TSPAN9: variants seen among roughly 807,000 people sequenced by gnomAD.
The protein encoded by TSPAN9 is tetraspanin-9.
Under a neutral mutation model 31.0 loss-of-function variants are expected in TSPAN9, and 16 were observed. That is an observed-to-expected ratio of 0.52 (90% CI 0.35 to 0.78). TSPAN9 has a LOEUF of 0.78. Among genes scored for constraint, TSPAN9 ranks in the 30% least tolerant of loss-of-function variants. The pLI, the probability that TSPAN9 is intolerant of heterozygous loss-of-function variation, is 0.01. For missense variants in TSPAN9, 272 were observed against 312.5 expected, an observed-to-expected ratio of 0.87 and a Z score of 0.98; for synonymous variants, 145 against 121.6, an observed-to-expected ratio of 1.19 and a Z score of -1.27.
intron 3 of TSPAN9, among the ~76,000 whole-genome samples, chr12:3,223,292 G>A (rs1033179438): frequency 2.0e-5 from 3 of 152,118 alleles, no homozygotes; most frequent in Non-Finnish European, 4.4e-5. Context: ...CCCCTTACCC[G>A]GCTAATTTGA....
At chr12:3,105,752 ACACACGCACACACG>A (rs1290269154) in intron 2 of TSPAN9, among the ~76,000 whole-genome samples, 1 of 67,260 alleles carries the variant, frequency 1.5e-5, no homozygotes, top group African/African-American at 3.2e-5. Context: ...ACACACTCAC[ACACACGCACACACG>A]CGCACGCACA....
intron 2 of TSPAN9, among the ~76,000 whole-genome samples, chr12:3,196,678 C>G (rs2098367235): frequency 6.6e-6 from 1 of 152,178 alleles, no homozygotes; most frequent in South Asian, 2.1e-4. Context: ...TGCTCAGGGA[C>G]TGACAGGTGT....
At chr12:3,257,175 G>A (rs1862362768) in intron 3 of TSPAN9, among the ~76,000 whole-genome samples, 1 of 152,026 alleles carries the variant, frequency 6.6e-6, no homozygotes, top group Non-Finnish European at 1.5e-5. Flanking sequence ...TTGTACCTGA[G>A]TCTGCTGGTG....
intron 2 of TSPAN9, among the ~76,000 whole-genome samples, chr12:3,112,495 C>T (rs1348911100): frequency 1.3e-5 from 2 of 151,664 alleles, no homozygotes; most frequent in Non-Finnish European, 2.9e-5. Flanking sequence ...CCATTTTTAT[C>T]TCTGATTTTA....
intron 2 of TSPAN9, among the ~76,000 whole-genome samples, chr12:3,175,180 C>T (rs2098354837): frequency 6.6e-6 from 1 of 152,206 alleles, no homozygotes; most frequent in South Asian, 2.1e-4. Flanking sequence ...GGCAGCATCT[C>T]ACCTGGGGTG....
chr12:3,109,299 T>TGTGTGAGAGAGAGAGAGA (rs1274383200), intron 2 of TSPAN9, among the ~76,000 whole-genome samples: 1 of 118,304 alleles, frequency 8.5e-6, no homozygotes, highest in East Asian at 2.4e-4. Flanking sequence ...TGTGTGTGTG[T>TGTGTGAGAGAGAGAGAGA]GAGAGAGAGT....
chr12:3,118,242 C>A (rs1347880572), intron 2 of TSPAN9, among the ~76,000 whole-genome samples: 1 of 113,956 alleles, frequency 8.8e-6, no homozygotes, highest in Admixed American at 9.8e-5. Flanking sequence ...TTCCGCACCG[C>A]CCCTGCACCC....
At chr12:3,210,166 C>CA (rs2098377852) in intron 3 of TSPAN9, among the ~76,000 whole-genome samples, 1 of 151,612 alleles carries the variant, frequency 6.6e-6, no homozygotes, top group Admixed American at 6.6e-5. Context: ...AGTTTCTAAG[C>CA]ATGAAGCAGT....
intron 3 of TSPAN9, among the ~76,000 whole-genome samples, chr12:3,276,231 G>T (rs150407498): frequency 1.6e-4 from 24 of 152,304 alleles, no homozygotes; most frequent in African/African-American, 5.8e-4. Context: ...CCTCCCTCGG[G>T]CCCTCCCGCG....
intron 3 of TSPAN9, among the ~76,000 whole-genome samples, chr12:3,201,946 G>A (rs1591674022): frequency 6.6e-6 from 1 of 152,188 alleles, no homozygotes; most frequent in African/African-American, 2.4e-5. Context: ...GCAGGGAGCT[G>A]GCTGGCCACG....
intron 3 of TSPAN9, among the ~76,000 whole-genome samples, chr12:3,240,908 A>T (rs150337743): frequency 6.1e-4 from 93 of 152,350 alleles, no homozygotes; most frequent in Non-Finnish European, 1.2e-3. Context: ...TATCACTAGT[A>T]ATCAAAGAAA....
rs994278767 is a variant in TSPAN9, at chr12:3,107,943, C to G, written c.-18+24224C>G. On this transcript the variant is annotated intron_variant, in intron 2 of 8. Coordinates refer to ENST00000011898, the MANE Select transcript of TSPAN9 (RefSeq NM_006675.5). The surrounding 1 kb of genome is among the most constrained non-coding windows in gnomAD (Gnocchi z 4.1). ...CCTCGTGCTATTTATACTTTCAACT[C>G]TATTCCTAAACCCAGTAAGAAACTC... 6.6e-6 allele frequency among the ~76,000 whole-genome samples: 1 copy of G among 152,184 alleles called. No homozygotes were observed. Among genetic ancestry groups the G allele is most frequent in the African/African-American group, 2.4e-5 (1 of 41,440 alleles).
intron 3 of TSPAN9, among the ~76,000 whole-genome samples, chr12:3,203,837 A>G (rs984396636): frequency 6.6e-6 from 1 of 152,182 alleles, no homozygotes; most frequent in Non-Finnish European, 1.5e-5. Flanking sequence ...GAGCAGGTGC[A>G]GGAGGGTGTT....
intron 2 of TSPAN9, among the ~76,000 whole-genome samples, chr12:3,159,054 C>T (rs2098343751): frequency 6.6e-6 from 1 of 151,988 alleles, no homozygotes; most frequent in Non-Finnish European, 1.5e-5. Flanking sequence ...GCGCTCCCCA[C>T]CCCCTGCCAG....
intron 2 of TSPAN9, among the ~76,000 whole-genome samples, chr12:3,131,253 C>T (rs1328837141): frequency 9.4e-6 from 1 of 106,184 alleles, no homozygotes; most frequent in East Asian, 2.8e-4. Flanking sequence ...CAGTTTTTAC[C>T]CAGGCACCGC....
At chr12:3,161,338 C>A (rs1236484746) in intron 2 of TSPAN9, among the ~76,000 whole-genome samples, 2 of 152,326 alleles carry the variant, frequency 1.3e-5, no homozygotes, top group South Asian at 4.1e-4. Flanking sequence ...CAAAGAGTTA[C>A]ACCTATCTTG....
rs897065071 is a variant in TSPAN9 at position 3,168,639 on chromosome 12, C to T, written c.-17-32538C>T. ...TGAAGTGCTGCATCCAATCTCTTTA[C>T]GAATGGATGTCTCAAGAGCAGTTAC... On this transcript the variant is annotated intron_variant, in intron 2 of 8. Transcript: ENST00000011898. The surrounding 1 kb of genome is among the most constrained non-coding windows in gnomAD (Gnocchi z 4.0). 6.6e-5 allele frequency among the ~76,000 whole-genome samples: 10 copies of T among 152,128 alleles called. No homozygotes were observed. Among genetic ancestry groups the T allele is most frequent in the Non-Finnish European group, 1.3e-4 (9 of 68,026 alleles).
At chr12:3,245,838 G>C (rs1286879491) in intron 3 of TSPAN9, among the ~76,000 whole-genome samples, 3 of 151,938 alleles carry the variant, frequency 2.0e-5, no homozygotes, top group South Asian at 2.1e-4. Context: ...GAGAGTCTTT[G>C]CTGGGCGGAT....
At chr12:3,157,916 C>T (rs562926895) in intron 2 of TSPAN9, among the ~76,000 whole-genome samples, 426 of 152,326 alleles carry the variant, frequency 2.8e-3, no homozygotes, top group African/African-American at 9.7e-3. Flanking sequence ...CTGATTAAGA[C>T]GATGAGCGAA....
Sources: gnomAD v4.1 joint callset for allele counts (sites outside exome capture counted in the v4.1 genomes callset) on GRCh38, gnomAD v4.1.1 for gene constraint, Gnocchi (gnomAD v3.1) non-coding constraint, MANE v1.5 for transcripts, NCBI Gene and HGNC (gene_info 2026-07-23, HGNC 2026-07-21) for gene names.